STK3: variants seen among roughly 807,000 people sequenced by gnomAD.
STK3 encodes the protein serine/threonine-protein kinase 3.
A neutral mutation model predicts 58.0 loss-of-function variants in STK3; 41 were observed. That is an observed-to-expected ratio of 0.71 (90% CI 0.55 to 0.92). The LOEUF (loss-of-function observed/expected upper bound fraction) is 0.92, where lower values mean the gene tolerates loss of function less well. STK3 is among the 40% of genes least tolerant of loss of function. The probability of loss-of-function intolerance (pLI) is 0.00; values close to 1 mark genes in which losing one functional copy is unlikely to be tolerated. For missense variants in STK3, 479 were observed against 602.7 expected (o/e 0.79, Z 2.15); for synonymous variants, 170 against 191.0 (o/e 0.89, Z 0.91).
intron 8 of STK3, 70 bp downstream of exon 8, chr8:98,579,594 T>C: frequency 1.3e-6 from 2 of 1,528,968 alleles, no homozygotes; most frequent in African/African-American, 2.8e-5. Flanking sequence ...GTGCTTTTAA[T>C]ATATTTTAAC....
chr8:98,720,062 A>G (rs1313130981), intron 4 of STK3, among the ~76,000 whole-genome samples: 3 of 152,246 alleles, frequency 2.0e-5, no homozygotes, highest in Non-Finnish European at 2.9e-5. Context: ...CCAATTTAGT[A>G]TTAAGGCTTA....
At chr8:98,464,538 G>GT (rs1221510157) in intron 10 of STK3, among the ~76,000 whole-genome samples, 1,384 of 22,820 alleles carry the variant, frequency 0.061, 26 homozygotes, top group African/African-American at 0.18. Flanking sequence ...AGTACTTAAA[G>GT]TTAAAAAAAA....
intron 3 of STK3, among the ~76,000 whole-genome samples, chr8:98,395,833 G>A (rs902481080): frequency 6.6e-6 from 1 of 152,158 alleles, no homozygotes; most frequent in Non-Finnish European, 1.5e-5. Flanking sequence ...ATATCACAAT[G>A]TTGCAAATAT....
At chr8:98,395,060 T>C (rs1370584191) in intron 3 of STK3, among the ~76,000 whole-genome samples, 2 of 151,690 alleles carry the variant, frequency 1.3e-5, no homozygotes, top group African/African-American at 4.8e-5. Flanking sequence ...TGTGGATCGC[T>C]GAGCCAGGCC....
At chr8:98,466,380 T>C (rs935887661) in intron 10 of STK3, among the ~76,000 whole-genome samples, 2 of 152,224 alleles carry the variant, frequency 1.3e-5, no homozygotes, top group Admixed American at 1.3e-4. Flanking sequence ...CAAATTTCCT[T>C]GACATATCCC....
chr8:98,914,157 A>G (rs1839253735), intron 1 of STK3, among the ~76,000 whole-genome samples: 2 of 152,136 alleles, frequency 1.3e-5, no homozygotes, highest in Admixed American at 1.3e-4. Flanking sequence ...AATATATTAA[A>G]AAAACAAAAA....
intron 1 of STK3, among the ~76,000 whole-genome samples, chr8:98,788,216 G>C (rs1350128542): frequency 2.0e-5 from 3 of 152,152 alleles, no homozygotes; most frequent in South Asian, 2.1e-4. Flanking sequence ...GAGGCAGGCA[G>C]ATCACAAGGC....
At chr8:98,770,691 G>C (rs139074965) in intron 2 of STK3, among the ~76,000 whole-genome samples, 1 of 152,210 alleles carries the variant, frequency 6.6e-6, no homozygotes, top group African/African-American at 2.4e-5. Context: ...AAAGGGTCCA[G>C]AGGATACCAG....
chr8:98,787,637 T>A (rs1458170609), intron 1 of STK3, among the ~76,000 whole-genome samples: 3 of 152,068 alleles, frequency 2.0e-5, no homozygotes, highest in Non-Finnish European at 4.4e-5. Flanking sequence ...GTCATCAAAT[T>A]ATCTAAAGTT....
intron 1 of STK3, among the ~76,000 whole-genome samples, chr8:98,781,396 T>C (rs1832079082): frequency 6.6e-6 from 1 of 152,096 alleles, no homozygotes. Flanking sequence ...AATCTGTGCA[T>C]GCTTACAAAA....
At chr8:98,384,533 CTG>C (rs1817770113) in intron 1 of STK3, among the ~76,000 whole-genome samples, 1 of 152,238 alleles carries the variant, frequency 6.6e-6, no homozygotes, top group South Asian at 2.1e-4. Context: ...GACTTGGCCT[CTG>C]TGAACCATCC....
intron 8 of STK3, among the ~76,000 whole-genome samples, chr8:98,565,230 T>A (rs1404832111): frequency 6.6e-6 from 1 of 152,144 alleles, no homozygotes. Context: ...CCTACAAAAA[T>A]TAAATGAGAA....
chr8:98,654,877 A>C (rs1821341817), intron 6 of STK3, among the ~76,000 whole-genome samples: 1 of 152,156 alleles, frequency 6.6e-6, no homozygotes, highest in Non-Finnish European at 1.5e-5. Flanking sequence ...CATGGGTAGG[A>C]AGAATCAATA....
intron 6 of STK3, among the ~76,000 whole-genome samples, chr8:98,698,750 C>T (rs901258843): frequency 8.5e-4 from 130 of 152,302 alleles, no homozygotes; most frequent in African/African-American, 2.9e-3. Flanking sequence ...GTCTGATGGG[C>T]TTCCCTTTGT....
At chr8:98,827,207 G>A (rs1370977945), upstream of STK3, among the ~76,000 whole-genome samples, 5 of 150,466 alleles carry the variant, frequency 3.3e-5, no homozygotes, top group African/African-American at 1.2e-4. Context: ...CTGGTGATGC[G>A]CCTGTACTCC....
chr8:98,700,804 A>C (rs896719536), intron 6 of STK3, among the ~76,000 whole-genome samples: 2 of 152,162 alleles, frequency 1.3e-5, no homozygotes, highest in African/African-American at 4.8e-5. Context: ...AGTGATCCAT[A>C]CAGTTCTTTC....
At chr8:98,425,575 T>A (rs553875063) in intron 3 of STK3, among the ~76,000 whole-genome samples, 11 of 152,192 alleles carry the variant, frequency 7.2e-5, no homozygotes, top group African/African-American at 2.4e-4. Context: ...TGCAGGGGCA[T>A]GGGTGTGAAG....
chr8:98,632,469 T>G (rs1819331934), intron 6 of STK3, among the ~76,000 whole-genome samples: 1 of 152,196 alleles, frequency 6.6e-6, no homozygotes, highest in Non-Finnish European at 1.5e-5. Context: ...CAAATGAAAT[T>G]GTGAATTTGG....
chr8:98,886,703 G>C (rs1838004040), intron 1 of STK3, among the ~76,000 whole-genome samples: 1 of 152,196 alleles, frequency 6.6e-6, no homozygotes, highest in African/African-American at 2.4e-5. Flanking sequence ...ATCCATAGGA[G>C]ATTGGTTCCA....
Sources: gnomAD v4.1 joint callset for allele counts (sites outside exome capture counted in the v4.1 genomes callset) on GRCh38, gnomAD v4.1.1 for gene constraint, MANE v1.5 for transcripts, NCBI Gene and HGNC (gene_info 2026-07-23, HGNC 2026-07-21) for gene names.